Variants in UGT1A10 observed in about 807,000 individuals in gnomAD.
UGT1A10 encodes the protein UDP-glucuronosyltransferase 1A10.
A neutral mutation model predicts 45.8 loss-of-function variants in UGT1A10; 49 were observed. The ratio of observed to expected loss-of-function variants is 1.07; its 90% CI spans 0.85 to 1.36. UGT1A10 has a LOEUF of 1.36. UGT1A10 is among the 40% of genes most tolerant of loss of function. The pLI, the probability that UGT1A10 is intolerant of heterozygous loss-of-function variation, is 0.00. For missense variants in UGT1A10, 745 were observed against 668.6 expected (o/e 1.11, Z -1.26); for synonymous variants, 284 against 249.7 (o/e 1.14, Z -1.29).
intron 1 of UGT1A10, among the ~76,000 whole-genome samples, chr2:233,673,449 A>T (rs1417068364): frequency 6.6e-6 from 1 of 152,102 alleles, no homozygotes; most frequent in East Asian, 1.9e-4. Context: ...ACTCTTTAAT[A>T]CTTTCCTTAC....
chr2:233,651,910 G>A (rs1278732602), intron 1 of UGT1A10, among the ~76,000 whole-genome samples: 1 of 152,008 alleles, frequency 6.6e-6, no homozygotes, highest in Non-Finnish European at 1.5e-5. Flanking sequence ...CTATCCAGGG[G>A]AATTACATCC....
At chr2:233,765,331 C>T (rs770638487) in intron 1 of UGT1A10, among the ~76,000 whole-genome samples, 13 of 152,154 alleles carry the variant, frequency 8.5e-5, no homozygotes, top group Admixed American at 2.6e-4. Context: ...GCACTATTCA[C>T]AATAACAAAG....
At chr2:233,713,145 C>A in intron 1 of UGT1A10, 1 of 1,614,224 alleles carries the variant, frequency 6.2e-7, no homozygotes, top group Non-Finnish European at 8.5e-7. Flanking sequence ...GCGGGACCTC[C>A]ATGCGAGAGG....
At chr2:233,647,915 T>C in intron 1 of UGT1A10, 1 of 1,594,216 alleles carries the variant, frequency 6.3e-7, no homozygotes, top group South Asian at 1.1e-5. Context: ...CCAGGGAAGG[T>C]AGATCACTCA....
chr2:233,766,694 C>G (rs996253647), intron 1 of UGT1A10, among the ~76,000 whole-genome samples: 7 of 152,162 alleles, frequency 4.6e-5, no homozygotes, highest in Non-Finnish European at 1.0e-4. Context: ...ATCACTGATG[C>G]CTTGCTCTGT....
intron 1 of UGT1A10, among the ~76,000 whole-genome samples, chr2:233,653,439 T>C (rs1259606288): frequency 4.6e-5 from 7 of 152,204 alleles, no homozygotes; most frequent in Non-Finnish European, 1.0e-4. Context: ...CAATATTTAT[T>C]ACTGTGGTTG....
At chr2:233,647,236 C>G (rs191887176) in intron 1 of UGT1A10, among the ~76,000 whole-genome samples, 1 of 152,178 alleles carries the variant, frequency 6.6e-6, no homozygotes, top group Non-Finnish European at 1.5e-5. Context: ...AGTTCCAATT[C>G]AAGATGAGCT....
chr2:233,698,259 T>C (rs1450218227), intron 1 of UGT1A10, among the ~76,000 whole-genome samples: 3 of 152,182 alleles, frequency 2.0e-5, no homozygotes, highest in Non-Finnish European at 4.4e-5. Context: ...TTTTGTCCAA[T>C]AATCAAACCA....
intron 2 of UGT1A10, 109 bp downstream of exon 2, chr2:233,767,274 T>C (rs1575825821): frequency 5.7e-6 from 9 of 1,580,016 alleles, no homozygotes. Context: ...ATTTGGCTTT[T>C]CCCTGCCACT....
chr2:233,653,700 G>A (rs558191628), intron 1 of UGT1A10, among the ~76,000 whole-genome samples: 106 of 152,282 alleles, frequency 7.0e-4, no homozygotes, highest in African/African-American at 2.5e-3. Flanking sequence ...GAGTTCAAGC[G>A]ATTCTCCTGC....
intron 1 of UGT1A10, among the ~76,000 whole-genome samples, chr2:233,719,971 C>T (rs1172487413): frequency 6.6e-6 from 1 of 152,170 alleles, no homozygotes; most frequent in Non-Finnish European, 1.5e-5. Context: ...GCATGTCCTT[C>T]AGCTCGGCAG....
chr2:233,683,654 G>A (rs1360052208), intron 1 of UGT1A10, among the ~76,000 whole-genome samples: 1 of 151,956 alleles, frequency 6.6e-6, no homozygotes, highest in Non-Finnish European at 1.5e-5. Flanking sequence ...CTTTATAAAA[G>A]TATTTCATCT....
chr2:233,753,309 CCT>C (rs1299890388), intron 1 of UGT1A10: 3 of 152,212 alleles, frequency 2.0e-5, no homozygotes, highest in African/African-American at 7.2e-5. Context: ...CCCGTGTGCC[CCT>C]GTGGGATGGT....
intron 1 of UGT1A10, chr2:233,740,870 A>G (rs528081181): frequency 3.3e-5 from 5 of 151,856 alleles, no homozygotes; most frequent in Non-Finnish European, 7.3e-5. Context: ...TTCTTTAAAT[A>G]AAATGCTCTT....
chr2:233,697,105 G>T (rs895107296), intron 1 of UGT1A10, among the ~76,000 whole-genome samples: 9 of 152,066 alleles, frequency 5.9e-5, no homozygotes, highest in Non-Finnish European at 1.3e-4. Context: ...GATGAGTTTG[G>T]AAGTATTCTC....
At chr2:233,685,588 G>A (rs17864689) in intron 1 of UGT1A10, among the ~76,000 whole-genome samples, 1 of 152,124 alleles carries the variant, frequency 6.6e-6, no homozygotes, top group Admixed American at 6.5e-5. Context: ...CAAGCCCAAG[G>A]CCTCCCTCCA....
intron 1 of UGT1A10, among the ~76,000 whole-genome samples, chr2:233,647,588 G>A (rs917046139): frequency 6.6e-6 from 1 of 152,164 alleles, no homozygotes; most frequent in African/African-American, 2.4e-5. Context: ...TGTCATTTGT[G>A]TTATTAATTT....
At chr2:233,763,256 T>A (rs1698270689) in intron 1 of UGT1A10, among the ~76,000 whole-genome samples, 1 of 152,234 alleles carries the variant, frequency 6.6e-6, no homozygotes. Flanking sequence ...GTAACCTGTT[T>A]TGTCTTGTTG....
Position 233,758,775 on chromosome 2 carries a change from G to C in UGT1A10, c.856-8259G>C, listed in dbSNP as rs534171239. Among the ~76,000 whole-genome samples the C allele has an allele frequency of 2.6e-5, 4 of 152,252 alleles. No individual in the cohort carries two copies. In the East Asian group the frequency reaches 7.7e-4, roughly 29 times the overall value. On this transcript the variant is annotated intron_variant, in intron 1 of 4. Coordinates refer to ENST00000344644, the MANE Select transcript of UGT1A10 (RefSeq NM_019075.4). ...AGTGATGTGTATGGTTCAAATGTTGGGATCTGTGCAGTTATCTTGGAATTG... is the reference window on the plus strand; with the variant it reads ...AGTGATGTGTATGGTTCAAATGTTGCGATCTGTGCAGTTATCTTGGAATTG...
Sources: gnomAD v4.1 joint callset for allele counts (sites outside exome capture counted in the v4.1 genomes callset) on GRCh38, gnomAD v4.1.1 for gene constraint, MANE v1.5 for transcripts, NCBI Gene and HGNC (gene_info 2026-07-23, HGNC 2026-07-21) for gene names.